MYO19: variants seen among roughly 807,000 people sequenced by gnomAD.
MYO19 encodes the protein unconventional myosin-XIX.
Under a neutral mutation model 129.2 loss-of-function variants are expected in MYO19, and 132 were observed. That is an observed-to-expected ratio of 1.02 (90% CI 0.89 to 1.18). MYO19 has a LOEUF of 1.18. MYO19 is among the 50% of genes most tolerant of loss of function. The pLI, the probability that MYO19 is intolerant of heterozygous loss-of-function variation, is 0.00. For synonymous variants in MYO19, 531 were observed against 477.2 expected (o/e 1.11, Z -1.47); for missense variants, 1,210 against 1,216.7 (o/e 0.99, Z 0.08).
In MYO19 at chr17:36,532,650, C is replaced by A; in HGVS notation, c.-112G>T. On this transcript the variant is annotated 5_prime_UTR_variant, in exon 3 of 26. Transcript: ENST00000614623. ...TATGGTTCCAACAAAGGGCTCAGTT[C>A]TGGAGGAATCTCAGACAAGTCACTC... The A allele has an allele frequency of 7.7e-7, 1 of 1,300,352 alleles. No homozygotes were observed. Among genetic ancestry groups the A allele is most frequent in the Non-Finnish European group, 1.1e-6 (1 of 920,730 alleles). 80.6% of individuals were successfully genotyped at this position (1,300,352 alleles called of 1,614,324 possible).
At chr17:36,535,287 T>G (rs2074072711), upstream of MYO19, 2 of 149,716 alleles carry the variant, frequency 1.3e-5, no homozygotes, top group Non-Finnish European at 2.9e-5. Flanking sequence ...AGGGGCCGTG[T>G]GAGGTGCATG....
At chr17:36,532,741 C>G in intron 2 of MYO19, 60 bp from the exon 3 acceptor site, 1 of 634,508 alleles carries the variant, frequency 1.6e-6, no homozygotes, top group Non-Finnish European at 2.8e-6. Flanking sequence ...TGGAGTGACT[C>G]ACTCACTCCT....
Position 36,507,874 on chromosome 17 carries a change from G to A in MYO19, c.1282C>T (p.Gln428Ter), listed in dbSNP as rs776849992. The A allele has an allele frequency of 3.7e-6, 6 of 1,613,228 alleles. No individual in the cohort carries two copies. The highest frequency in any genetic ancestry group is 3.4e-6 in the Non-Finnish European group (4 of 1,179,422). ...TCATTGGCGTAGTTGATGCACAACT[G>A]TTCCAGACTGTTGTCAGGAAATGAT... The part of the protein sequence containing the change: ...FESFPDNSLE[Q>*]LCINYANEKL... Residue 428 changes from glutamine to a stop codon, truncating the protein, a stop_gained, in exon 15 of 26, where the codon CAG becomes TAG. Coordinates refer to ENST00000614623, the MANE Select transcript of MYO19 (RefSeq NM_001163735.2). LOFTEE classifies it high-confidence loss of function.
chr17:36,522,100 T>C (rs2073173385), intron 6 of MYO19, among the ~76,000 whole-genome samples: 1 of 151,104 alleles, frequency 6.6e-6, no homozygotes, highest in Non-Finnish European at 1.5e-5. Flanking sequence ...AAGAAAATTA[T>C]TTCTAACCTG....
Position 36,498,395 on chromosome 17 carries a change from A to T in MYO19, c.2628T>A (p.Gly876=). 1 of 1,613,876 alleles carries T rather than the reference A, an allele frequency of 6.2e-7. No homozygotes were observed. The change falls in exon 25 of 26, where the codon GGT becomes GGA. Residue 876 remains glycine (G), a synonymous_variant. Transcript: ENST00000614623. ...CTAATTTCCTCTGAAAGCTGCCTAC[A>T]CCCATAGCCGTATTGGCCAGGACCA... ...LGLVLANTAM[G]VGSFQRKLVV...
intron 23 of MYO19, chr17:36,499,654 C>CTTTTTCTTTTTTTTTTTT (rs1260911885): frequency 8.2e-5 from 6 of 73,092 alleles, no homozygotes; most frequent in African/African-American, 3.6e-4. Flanking sequence ...TATTCTTTTT[C>CTTTTTCTTTTTTTTTTTT]TTTTTGTTTC....
At chr17:36,527,004 T>C (rs1462691236) in intron 5 of MYO19, among the ~76,000 whole-genome samples, 2 of 151,826 alleles carry the variant, frequency 1.3e-5, no homozygotes, top group East Asian at 3.9e-4. Context: ...ATATGCCTAC[T>C]AAAAATACAA....
chr17:36,511,064 G>T, intron 12 of MYO19, 147 bp from the exon 13 acceptor site: 1 of 965,662 alleles, frequency 1.0e-6, no homozygotes, highest in Non-Finnish European at 1.5e-6. Flanking sequence ...TCACCCAAAG[G>T]ACTCCATAAA....
intron 9 of MYO19, 114 bp from the exon 10 acceptor site, chr17:36,513,839 C>G: frequency 1.1e-6 from 1 of 883,816 alleles, no homozygotes; most frequent in East Asian, 2.6e-5. Flanking sequence ...TCACAAGGCT[C>G]AGAGGTCCCT....
At chr17:36,519,233 C>T (rs1432933682) in intron 6 of MYO19, among the ~76,000 whole-genome samples, 1 of 152,140 alleles carries the variant, frequency 6.6e-6, no homozygotes. Flanking sequence ...TCAATGAGAG[C>T]AGATTTTACT....
upstream of MYO19, among the ~76,000 whole-genome samples, chr17:36,543,669 G>A (rs1330598649): frequency 6.6e-6 from 1 of 151,992 alleles, no homozygotes; most frequent in African/African-American, 2.4e-5. Flanking sequence ...TTGTTGCCCA[G>A]GCTGCAGTGC....
chr17:36,530,488 G>A (rs1330221249), intron 3 of MYO19, among the ~76,000 whole-genome samples: 2 of 125,458 alleles, frequency 1.6e-5, no homozygotes, highest in South Asian at 2.5e-4. Context: ...ACGGAGTTTC[G>A]CTCTGTCGCC....
chr17:36,506,733 G>A, intron 17 of MYO19, 125 bp from the exon 18 acceptor site: 1 of 1,244,258 alleles, frequency 8.0e-7, no homozygotes, highest in Non-Finnish European at 1.1e-6. Flanking sequence ...CCAAGAGAAG[G>A]TCCATTGGAC....
chr17:36,512,787 G>A (rs1310638126), intron 11 of MYO19: 15 of 1,286,626 alleles, frequency 1.2e-5, no homozygotes, highest in Non-Finnish European at 1.5e-5. Flanking sequence ...GCTCTAGAGG[G>A]TGAGGAAGAT....
chr17:36,505,226 G>C (rs1238453244), intron 19 of MYO19, 71 bp downstream of exon 19: 2 of 1,322,578 alleles, frequency 1.5e-6, no homozygotes, highest in Admixed American at 3.4e-5. Context: ...CAGATGTCCT[G>C]CCCTTCATCT....
chr17:36,542,850 G>A (rs900689773), intron 1 of MYO19, among the ~76,000 whole-genome samples: 2 of 151,760 alleles, frequency 1.3e-5, no homozygotes, highest in Non-Finnish European at 2.9e-5. Flanking sequence ...GGAGTAGCTG[G>A]AATTAAAAGT....
chr17:36,544,604 T>C (rs551230730), upstream of MYO19, among the ~76,000 whole-genome samples: 8 of 152,264 alleles, frequency 5.3e-5, no homozygotes, highest in Admixed American at 5.2e-4. Flanking sequence ...CCCCTCTACA[T>C]AGACGACACC....
chr17:36,511,072 A>T, intron 12 of MYO19, 155 bp from the exon 13 acceptor site: 1 of 893,324 alleles, frequency 1.1e-6, no homozygotes, highest in Non-Finnish European at 1.7e-6. Context: ...AGGACTCCAT[A>T]AACAGCAGTC....
intron 15 of MYO19, 139 bp downstream of exon 15, chr17:36,507,664 G>A: frequency 2.4e-6 from 3 of 1,234,430 alleles, no homozygotes; most frequent in Admixed American, 2.6e-5. Context: ...CTCCATATGT[G>A]CAATTATTAT....
Sources: allele counts gnomAD v4.1 joint callset (sites outside exome capture counted in the v4.1 genomes callset), GRCh38; gene constraint gnomAD v4.1.1; transcripts MANE v1.5; gene names NCBI Gene and HGNC (gene_info 2026-07-23, HGNC 2026-07-21).